Variants in GABRG3 observed in about 807,000 individuals in gnomAD.
The protein encoded by GABRG3 is gamma-aminobutyric acid type A receptor subunit gamma3.
A neutral mutation model predicts 48.8 loss-of-function variants in GABRG3; 25 were observed. The observed-to-expected ratio is 0.51, with a 90% CI of 0.37 to 0.72. The LOEUF (loss-of-function observed/expected upper bound fraction) is 0.72. Ranked by LOEUF, GABRG3 falls within the 30% of genes least tolerant of loss-of-function variation. GABRG3 has a pLI of 0.00. For missense variants in GABRG3, 394 were observed against 577.9 expected, an observed-to-expected ratio of 0.68 and a Z score of 3.26; for synonymous variants, 227 against 217.6, an observed-to-expected ratio of 1.04 and a Z score of -0.38.
At chr15:27,290,473 AAGGGTGACATCAGC>A (rs1168688695) in intron 3 of GABRG3, among the ~76,000 whole-genome samples, 1 of 152,148 alleles carries the variant, frequency 6.6e-6, no homozygotes, top group East Asian at 1.9e-4. Context: ...CCAGATGATC[AAGGGTGACATCAGC>A]AGGGCTAAAT....
chr15:27,361,010 G>T (rs1338553522), intron 5 of GABRG3, among the ~76,000 whole-genome samples: 1 of 152,204 alleles, frequency 6.6e-6, no homozygotes, highest in East Asian at 1.9e-4. Flanking sequence ...AAGGGAGATG[G>T]TAAAGGACTG....
At chr15:27,022,955 G>A (rs1385332843) in intron 2 of GABRG3, among the ~76,000 whole-genome samples, 1 of 152,136 alleles carries the variant, frequency 6.6e-6, no homozygotes, top group African/African-American at 2.4e-5. Context: ...ATCCATCAAC[G>A]GAGCAAATGT....
chr15:27,524,940 A>C (rs1321773316), intron 7 of GABRG3, among the ~76,000 whole-genome samples: 1 of 152,198 alleles, frequency 6.6e-6, no homozygotes, highest in African/African-American at 2.4e-5. Context: ...TAAAAAAATA[A>C]AGCATGATCC....
chr15:27,084,924 C>A (rs911369465), intron 3 of GABRG3, among the ~76,000 whole-genome samples: 2 of 152,224 alleles, frequency 1.3e-5, no homozygotes, highest in Non-Finnish European at 2.9e-5. Flanking sequence ...CTTCTTAATT[C>A]TCTGTGTGAG....
At chr15:27,157,435 G>C (rs1312369397) in intron 3 of GABRG3, among the ~76,000 whole-genome samples, 1 of 152,134 alleles carries the variant, frequency 6.6e-6, no homozygotes, top group Non-Finnish European at 1.5e-5. Flanking sequence ...AAAAATAATA[G>C]ACTTGAATTT....
intron 6 of GABRG3, among the ~76,000 whole-genome samples, chr15:27,511,776 G>C (rs1277759298): frequency 6.6e-6 from 1 of 152,186 alleles, no homozygotes; most frequent in African/African-American, 2.4e-5. Context: ...CAGGGAAAGG[G>C]GTAACAGATT....
At chr15:27,087,445 A>G (rs1021533830) in intron 3 of GABRG3, among the ~76,000 whole-genome samples, 30 of 152,248 alleles carry the variant, frequency 2.0e-4, no homozygotes, top group African/African-American at 6.8e-4. Flanking sequence ...TTCACAGAAC[A>G]GTATCTGTGC....
chr15:27,129,694 A>G (rs1897882505), intron 3 of GABRG3, among the ~76,000 whole-genome samples: 1 of 149,044 alleles, frequency 6.7e-6, no homozygotes, highest in Admixed American at 6.7e-5. Context: ...CCTCGCCAAC[A>G]CTTGTTAGTT....
At chr15:27,116,808 A>G (rs1897649193) in intron 3 of GABRG3, among the ~76,000 whole-genome samples, 1 of 152,184 alleles carries the variant, frequency 6.6e-6, no homozygotes. Context: ...CTGCCATGTG[A>G]GGACAGACAG....
At chr15:27,073,855 G>C in intron 3 of GABRG3, among the ~76,000 whole-genome samples, 1 of 152,202 alleles carries the variant, frequency 6.6e-6, no homozygotes, top group Middle Eastern at 3.2e-3. Flanking sequence ...AAGCCCTCGT[G>C]GTGGTTGTTC....
chr15:27,480,698 T>C lies in GABRG3; in HGVS notation c.623T>C (p.Val208Ala), dbSNP rs1487879021. The stretch of plus-strand genomic sequence containing the variant: ...ATTTATAGATGGAGAAAAAATTCAG[T>C]GGAGGCAGCTGACCAGAAATCATGG... ...EMIYRWRKNS[V>A]EAADQKSWRL... is the part of the protein sequence containing the mutation. Residue 208 changes from valine to alanine, a missense_variant, in exon 6 of 10, where the codon GTG becomes GCG. Val to Ala is a moderately conservative substitution (Grantham distance 64). Transcript: ENST00000615808. The C allele has an allele frequency of 1.2e-6, 2 of 1,612,584 alleles. No homozygotes were observed. The highest frequency in any genetic ancestry group is 1.7e-5 in the Admixed American group (1 of 59,920).
intron 3 of GABRG3, among the ~76,000 whole-genome samples, chr15:27,163,818 G>T (rs1463602021): frequency 1.3e-5 from 2 of 152,176 alleles, no homozygotes; most frequent in Non-Finnish European, 2.9e-5. Flanking sequence ...ATGTGCGAGT[G>T]GGCTTGCTTG....
intron 3 of GABRG3, among the ~76,000 whole-genome samples, chr15:27,157,039 A>G (rs1262709370): frequency 1.3e-5 from 2 of 152,236 alleles, no homozygotes; most frequent in African/African-American, 4.8e-5. Flanking sequence ...CCCAAGTCCA[A>G]CAGAGAAAGA....
intron 2 of GABRG3, among the ~76,000 whole-genome samples, chr15:27,012,337 GTTTC>G (rs933778555): frequency 1.3e-5 from 2 of 151,984 alleles, no homozygotes; most frequent in African/African-American, 4.8e-5. Flanking sequence ...CTTAAGAATT[GTTTC>G]TTTATTAACT....
intron 3 of GABRG3, among the ~76,000 whole-genome samples, chr15:27,088,004 C>T (rs1012781413): frequency 3.6e-5 from 5 of 139,150 alleles, no homozygotes; most frequent in Non-Finnish European, 7.7e-5. Context: ...TGTGATGTGC[C>T]ATGGTTGTGT....
intron 5 of GABRG3, among the ~76,000 whole-genome samples, chr15:27,336,208 A>AAGAG (rs71285057): frequency 0.016 from 2,201 of 138,736 alleles, 29 homozygotes; most frequent in African/African-American, 0.045. Flanking sequence ...GAAAGAAAGA[A>AAGAG]AGAGAGAGAG....
At chr15:27,025,954 A>T (rs190899818) in intron 2 of GABRG3, among the ~76,000 whole-genome samples, 7 of 152,322 alleles carry the variant, frequency 4.6e-5, no homozygotes, top group African/African-American at 1.7e-4. Flanking sequence ...CCCGACTCAG[A>T]GGTCCGTGGG....
intron 3 of GABRG3, among the ~76,000 whole-genome samples, chr15:27,242,588 A>G (rs988652012): frequency 2.0e-5 from 3 of 152,212 alleles, no homozygotes; most frequent in African/African-American, 7.2e-5. Flanking sequence ...CCCAATCAGA[A>G]CAAAGTTACT....
At chr15:27,252,532 A>G (rs1890492901) in intron 3 of GABRG3, among the ~76,000 whole-genome samples, 1 of 152,178 alleles carries the variant, frequency 6.6e-6, no homozygotes. Context: ...GCCAGGGGAT[A>G]CTAGCGCCGT....
Sources: gnomAD v4.1 joint callset for allele counts (sites outside exome capture counted in the v4.1 genomes callset) on GRCh38, gnomAD v4.1.1 for gene constraint, MANE v1.5 for transcripts, NCBI Gene and HGNC (gene_info 2026-07-23, HGNC 2026-07-21) for gene names.